The following SYN3 variants were observed in gnomAD, a reference collection of about 807,000 sequenced individuals.
The protein encoded by SYN3 is synapsin-3.
A neutral mutation model predicts 65.8 loss-of-function variants in SYN3; 35 were observed. That is an observed-to-expected ratio of 0.53 (90% confidence interval 0.41 to 0.70). SYN3 has a LOEUF of 0.70. Among genes scored for constraint, SYN3 ranks in the 30% least tolerant of loss-of-function variants. The pLI is 0.00. For synonymous variants in SYN3, 270 were observed against 292.9 expected, an observed-to-expected ratio of 0.92 and a Z score of 0.80; for missense variants, 680 against 749.0, an observed-to-expected ratio of 0.91 and a Z score of 1.08.
chr22:32,934,298 A>G (rs2050715729), intron 3 of SYN3, among the ~76,000 whole-genome samples: 1 of 152,238 alleles, frequency 6.6e-6, no homozygotes, highest in Admixed American at 6.5e-5. Context: ...AAAAGTGGCA[A>G]GGACCCAAGG....
At chr22:32,591,974 G>A (rs1244535816) in intron 7 of SYN3, among the ~76,000 whole-genome samples, 1 of 152,144 alleles carries the variant, frequency 6.6e-6, no homozygotes, top group Non-Finnish European at 1.5e-5. Flanking sequence ...ATCACGGAAT[G>A]TTCAAGTAAG....
At position 32,867,521 on chromosome 22, in the gene SYN3, G is replaced by A. The variant is rs575735809; in HGVS notation, c.621+1445C>T. Among the ~76,000 whole-genome samples, 14 of 152,328 alleles carry A rather than the reference G, an allele frequency of 9.2e-5. No individual in the cohort carries two copies. The East Asian group carries it at 2.7e-3, about 29-fold the overall frequency. ...GGATAAATTTATCATTCTAGGTGGA[G>A]ATAAGTATCTAGGAAAAAAATAAAG... On this transcript the variant is annotated intron_variant, in intron 5 of 13. Coordinates refer to ENST00000358763, the MANE Select transcript of SYN3 (RefSeq NM_003490.4).
At chr22:32,578,101 C>T (rs2058878873) in intron 7 of SYN3, among the ~76,000 whole-genome samples, 1 of 152,240 alleles carries the variant, frequency 6.6e-6, no homozygotes, top group Admixed American at 6.5e-5. Flanking sequence ...GCTATAAATA[C>T]TTCTTCAATA....
At position 32,539,728 on chromosome 22, in the gene SYN3, C is replaced by CA. The variant is rs928396435; in HGVS notation, c.918-1619dup. The stretch of plus-strand genomic sequence containing the variant: ...GTCCAGGAAACTCGGTAAGTAATGA[C>CA]AAAGTGGAGCTGTCAGGCCAGGGAG... On this transcript the variant is annotated intron_variant, in intron 8 of 13. Coordinates refer to ENST00000358763, the MANE Select transcript of SYN3 (RefSeq NM_003490.4). 1.2e-3 allele frequency among the ~76,000 whole-genome samples: 174 copies of CA among 150,112 alleles called. 1 individual carries two copies. The highest frequency in any genetic ancestry group is 4.2e-3 in the African/African-American group (172 of 40,750).
intron 7 of SYN3, among the ~76,000 whole-genome samples, chr22:32,555,214 T>C (rs960701689): frequency 2.0e-5 from 3 of 152,110 alleles, no homozygotes; most frequent in Admixed American, 6.5e-5. Context: ...TCACAAGCTG[T>C]AACAGAAAAC....
At chr22:32,792,339 C>G (rs973496927) in intron 6 of SYN3, among the ~76,000 whole-genome samples, 1 of 152,138 alleles carries the variant, frequency 6.6e-6, no homozygotes, top group Non-Finnish European at 1.5e-5. Context: ...TTTGAGAGAT[C>G]GTTAAATCCA....
Position 32,720,963 on chromosome 22 carries a change from G to A in SYN3, c.712-124227C>T, listed in dbSNP as rs556559264. 6.6e-5 allele frequency among the ~76,000 whole-genome samples: 10 copies of A among 152,322 alleles called. No individual in the cohort carries two copies. In the East Asian group the frequency reaches 1.9e-3, roughly 29 times the overall value. On this transcript the variant is annotated intron_variant, in intron 6 of 13. Coordinates refer to ENST00000358763, the MANE Select transcript of SYN3 (RefSeq NM_003490.4). ...GCTCTGTGGCCCCAGAGAAAGGGGA[G>A]GAAACAGTCCCTTAGTACACACGTT...
At chr22:32,762,265 T>C (rs1369119006) in intron 6 of SYN3, among the ~76,000 whole-genome samples, 1 of 152,108 alleles carries the variant, frequency 6.6e-6, no homozygotes, top group African/African-American at 2.4e-5. Flanking sequence ...TTCCCCAGGG[T>C]TATAGCAGTG....
chr22:32,873,219 G>A (rs916654926), intron 4 of SYN3, among the ~76,000 whole-genome samples: 7 of 152,290 alleles, frequency 4.6e-5, no homozygotes, highest in Admixed American at 2.0e-4. Context: ...CCAAAGTGCC[G>A]GGATTACAGA....
intron 4 of SYN3, among the ~76,000 whole-genome samples, chr22:32,873,166 GTT>G (rs1319798903): frequency 3.9e-5 from 6 of 152,130 alleles, no homozygotes; most frequent in African/African-American, 1.4e-4. Context: ...GGACAGGCTA[GTT>G]TCAAACTCCT....
intron 4 of SYN3, among the ~76,000 whole-genome samples, chr22:32,894,997 G>A (rs1288037248): frequency 1.3e-5 from 2 of 152,266 alleles, no homozygotes; most frequent in East Asian, 1.9e-4. Context: ...TTGAAGCATC[G>A]TTAGCATGAA....
At chr22:32,593,474 A>T (rs1569072840) in intron 7 of SYN3, among the ~76,000 whole-genome samples, 1 of 152,198 alleles carries the variant, frequency 6.6e-6, no homozygotes, top group Non-Finnish European at 1.5e-5. Context: ...AAACATTAAC[A>T]AGGGGCAATT....
chr22:32,632,941 G>C (rs1208592035), intron 6 of SYN3, among the ~76,000 whole-genome samples: 3 of 152,210 alleles, frequency 2.0e-5, no homozygotes, highest in Admixed American at 6.5e-5. Context: ...CCTGTCATTT[G>C]GCCAGCACTT....
intron 6 of SYN3, among the ~76,000 whole-genome samples, chr22:32,755,177 T>C (rs916447596): frequency 3.3e-5 from 5 of 152,244 alleles, no homozygotes; most frequent in African/African-American, 9.6e-5. Context: ...AAAGGTCATC[T>C]TGTTAAATCC....
chr22:32,928,094 G>A (rs145635298), intron 4 of SYN3, among the ~76,000 whole-genome samples: 8 of 152,328 alleles, frequency 5.3e-5, no homozygotes, highest in African/African-American at 1.4e-4. Context: ...ACTTTGGGAG[G>A]CCAAAGTGGG....
chr22:32,571,073 A>T (rs761071691), intron 7 of SYN3, among the ~76,000 whole-genome samples: 2 of 152,140 alleles, frequency 1.3e-5, no homozygotes, highest in Non-Finnish European at 2.9e-5. Flanking sequence ...AGAATGGGTG[A>T]CCTGTAGGGT....
chr22:32,938,995 A>G (rs759023600), intron 3 of SYN3, among the ~76,000 whole-genome samples: 12 of 152,144 alleles, frequency 7.9e-5, no homozygotes, highest in South Asian at 4.2e-4. Context: ...TGAATTTATT[A>G]TAAGTCCAAA....
chr22:33,008,924 C>CAAAAAAAAAAAAAAAAAAAAAA (rs201719238), intron 1 of SYN3, among the ~76,000 whole-genome samples: 1 of 57,066 alleles, frequency 1.8e-5, no homozygotes, highest in African/African-American at 6.5e-5. Flanking sequence ...GACTTTATCT[C>CAAAAAAAAAAAAAAAAAAAAAA]AAAAAAAAAA....
chr22:32,649,136 C>G (rs72620413), intron 6 of SYN3, among the ~76,000 whole-genome samples: 11,053 of 152,236 alleles, frequency 0.073, 579 homozygotes, highest in Admixed American at 0.16. Flanking sequence ...TGGGCTTGGT[C>G]ATGTCGCTTA....
Sources: gnomAD v4.1 joint callset for allele counts (sites outside exome capture counted in the v4.1 genomes callset) on GRCh38, gnomAD v4.1.1 for gene constraint, MANE v1.5 for transcripts, NCBI Gene and HGNC (gene_info 2026-07-23, HGNC 2026-07-21) for gene names.